AMMECR1L: variants seen among roughly 807,000 people sequenced by gnomAD.
The protein encoded by AMMECR1L is AMMECR1-like protein.
A neutral mutation model predicts 36.8 loss-of-function variants in AMMECR1L; 4 were observed. That is an observed-to-expected ratio of 0.11 (90% CI 0.05 to 0.25). AMMECR1L has a LOEUF of 0.25. AMMECR1L is among the 10% of genes least tolerant of loss of function. The probability of loss-of-function intolerance (pLI) is 1.00; values close to 1 mark genes in which losing one functional copy is unlikely to be tolerated. For missense variants in AMMECR1L, 232 were observed against 392.1 expected (o/e 0.59, Z 3.45); for synonymous variants, 147 against 148.0 (o/e 0.99, Z 0.05).
chr2:127,867,931 G>C (rs1469071453), intron 6 of AMMECR1L, among the ~76,000 whole-genome samples: 1 of 152,176 alleles, frequency 6.6e-6, no homozygotes, highest in African/African-American at 2.4e-5. Flanking sequence ...GAAGCGCAGT[G>C]GCGCAATATT....
chr2:127,869,311 G>A lies in AMMECR1L; in HGVS notation c.724+143C>T. Reference sequence around the variant, plus strand: ...TGGAAGTTTACCCTTGGTTCTATAGGAATTTGACAGGTATTAAGAGGCAGA... The same window carrying A: ...TGGAAGTTTACCCTTGGTTCTATAGAAATTTGACAGGTATTAAGAGGCAGA... On this transcript the variant is annotated intron_variant, in intron 6 of 7. Transcript: ENST00000272647. The surrounding 1 kb of genome is among the most constrained non-coding windows in gnomAD (Gnocchi z 4.7). 1 of 738,482 alleles carries A rather than the reference G, an allele frequency of 1.4e-6. No homozygotes were observed. Among genetic ancestry groups the A allele is most frequent in the Non-Finnish European group, 2.2e-6 (1 of 445,244 alleles). 45.7% of individuals were successfully genotyped at this position (738,482 alleles called of 1,614,324 possible). A position where few individuals can be genotyped will look rare whatever the true frequency, so the allele number is the denominator to read the frequency against.
At chr2:127,867,150 G>C in intron 6 of AMMECR1L, 154 bp from the exon 7 acceptor site, 1 of 985,458 alleles carries the variant, frequency 1.0e-6, no homozygotes, top group South Asian at 4.7e-5. Context: ...CGTACCTGGC[G>C]CCCAGTCTGT....
intron 1 of AMMECR1L, chr2:127,884,741 A>G (rs1468886908): frequency 6.6e-6 from 1 of 152,250 alleles, no homozygotes; most frequent in African/African-American, 2.4e-5. Context: ...ACTGGACAGC[A>G]CGCCAGAGGC....
rs969688939 is a variant in AMMECR1L, at chr2:127,871,444, T to C, written c.408-85A>G. ...AACCTTTTGGCTTTGTCCCTATTCA[T>C]TTCTGTTATTGCCAAAAATCCCTGT... On this transcript the variant is annotated intron_variant, in intron 3 of 7. Coordinates refer to ENST00000272647, the MANE Select transcript of AMMECR1L (RefSeq NM_001199140.2). This position sits in a 1 kb window ranked among gnomAD's most constrained non-coding sequence, Gnocchi z 4.3. 1.5e-6 allele frequency: 2 copies of C among 1,356,752 alleles called. No homozygotes were observed. Among genetic ancestry groups the C allele is most frequent in the African/African-American group, 2.9e-5 (2 of 69,144 alleles). 84.0% of individuals were successfully genotyped at this position (1,356,752 alleles called of 1,614,324 possible).
At chr2:127,870,639 G>C (rs1301967056) in intron 5 of AMMECR1L, among the ~76,000 whole-genome samples, 175 bp downstream of exon 5, 2 of 152,132 alleles carry the variant, frequency 1.3e-5, no homozygotes, top group Admixed American at 6.6e-5. Context: ...TGACACTTCT[G>C]CCTACTCCTG....
chr2:127,868,231 T>C (rs776949843), intron 6 of AMMECR1L, among the ~76,000 whole-genome samples: 16 of 152,222 alleles, frequency 1.1e-4, no homozygotes, highest in Admixed American at 1.0e-3. Context: ...CCTAAATTAC[T>C]ATGCTAGGTG....
chr2:127,872,050 G>A (rs183564243), intron 3 of AMMECR1L, among the ~76,000 whole-genome samples: 12 of 152,042 alleles, frequency 7.9e-5, no homozygotes, highest in African/African-American at 2.2e-4. Context: ...TTGGCTGGGC[G>A]TGGTGGCAGG....
rs1158676658 is a variant in AMMECR1L, at chr2:127,871,448, T to C, written c.408-89A>G. 2.3e-6 allele frequency: 3 copies of C among 1,327,560 alleles called. No homozygotes were observed. Among genetic ancestry groups the C allele is most frequent in the Non-Finnish European group, 3.1e-6 (3 of 961,692 alleles). The allele number at this position is 1,327,560 out of a possible 1,614,324, so 82.2% of individuals were successfully genotyped here. A position where few individuals can be genotyped will look rare whatever the true frequency, so the allele number is the denominator to read the frequency against. On this transcript the variant is annotated intron_variant, in intron 3 of 7. Coordinates refer to ENST00000272647, the MANE Select transcript of AMMECR1L (RefSeq NM_001199140.2). This position sits in a 1 kb window ranked among gnomAD's most constrained non-coding sequence, Gnocchi z 4.3. ...TTTTGGCTTTGTCCCTATTCATTTC[T>C]GTTATTGCCAAAAATCCCTGTTTTT...
At chr2:127,867,389 G>A (rs1690739194) in intron 6 of AMMECR1L, 1 of 804,756 alleles carries the variant, frequency 1.2e-6, no homozygotes, top group African/African-American at 1.9e-5. Flanking sequence ...ATATTCCTTT[G>A]TGTGATCTTC....
chr2:127,870,853 A>G lies in AMMECR1L; in HGVS notation c.594T>C (p.Leu198=). 1 of 1,613,328 alleles carries G rather than the reference A, an allele frequency of 6.2e-7. No individual in the cohort carries two copies. Among genetic ancestry groups the G allele is most frequent in the Non-Finnish European group, 8.5e-7 (1 of 1,179,740 alleles). Residue 198 remains leucine, a synonymous_variant, in exon 5 of 8, where the codon CTT becomes CTC. Transcript: ENST00000272647. ...AATCACTGGCATCCTCAAAGTTAGT[A>G]AGGAGGGAGACAGAGCAGAAAAGTT... ...LPKLFCSVSL[L]TNFEDASDYL...
At chr2:127,872,872 C>T (rs781325148) in intron 3 of AMMECR1L, 2 of 514,986 alleles carry the variant, frequency 3.9e-6, no homozygotes, top group African/African-American at 2.1e-5. Context: ...ACCATGTTAC[C>T]CCAGGGTGAC....
intron 2 of AMMECR1L, among the ~76,000 whole-genome samples, chr2:127,881,935 C>T (rs1308127947): frequency 2.0e-5 from 3 of 152,228 alleles, no homozygotes; most frequent in Middle Eastern, 3.4e-3. Context: ...CCAGAAAACA[C>T]AGAGAAAAAT....
At position 127,871,613 on chromosome 2, in the gene AMMECR1L, A is replaced by T. The variant is rs532762583; in HGVS notation, c.408-254T>A. The stretch of plus-strand genomic sequence containing the variant: ...TGTTCCATGCTGACAGCTTTAATTC[A>T]CTTTGCCGCCAAATTTACATGCTAC... On this transcript the variant is annotated intron_variant, in intron 3 of 7. Coordinates refer to ENST00000272647, the MANE Select transcript of AMMECR1L (RefSeq NM_001199140.2). This position sits in a 1 kb window ranked among gnomAD's most constrained non-coding sequence, Gnocchi z 4.3. 8.5e-5 allele frequency among the ~76,000 whole-genome samples: 13 copies of T among 152,236 alleles called. No individual in the cohort carries two copies. The South Asian group carries it at 2.5e-3, about 29-fold the overall frequency.
rs183272456 is a variant in AMMECR1L at position 127,862,657 on chromosome 2, C to T, written c.*2437G>A. The T allele has an allele frequency of 1.3e-5, 2 of 152,816 alleles. No individual in the cohort carries two copies. The highest frequency in any genetic ancestry group is 4.8e-5 in the African/African-American group (2 of 41,582). 9.5% of individuals were successfully genotyped at this position (152,816 alleles called of 1,614,324 possible). The stretch of plus-strand genomic sequence containing the variant: ...GTCCCCTGACAAAGCAAGAGGAACC[C>T]AAGCATTTCCATTGCTGGACTTGTG... On this transcript the variant is annotated 3_prime_UTR_variant, in exon 8 of 8. Transcript: ENST00000272647.
rs1189908535 is a variant in AMMECR1L, at chr2:127,861,869, T to C, written c.*3225A>G. ...AAAATAACGTCAACAGTTAGTGAAA[T>C]TGTAGATGTCAACACATCATGGAAA... is the stretch of plus-strand genomic sequence containing the variant. On this transcript the variant is annotated 3_prime_UTR_variant, in exon 8 of 8. Transcript: ENST00000272647. The C allele has an allele frequency of 6.6e-6, 1 of 152,512 alleles. No individual in the cohort carries two copies. Among genetic ancestry groups the C allele is most frequent in the African/African-American group, 2.4e-5 (1 of 41,424 alleles). The allele number at this position is 152,512 out of a possible 1,614,324, so 9.4% of individuals were successfully genotyped here. A position where few individuals can be genotyped will look rare whatever the true frequency, so the allele number is the denominator to read the frequency against.
Position 127,869,817 on chromosome 2 carries a change from A to G in AMMECR1L, c.634-273T>C, listed in dbSNP as rs942675600. On this transcript the variant is annotated intron_variant, in intron 5 of 7. Coordinates refer to ENST00000272647, the MANE Select transcript of AMMECR1L (RefSeq NM_001199140.2). This position sits in a 1 kb window ranked among gnomAD's most constrained non-coding sequence, Gnocchi z 4.7. ...TAAGTAATTCATCCAGGAATTGTGA[A>G]TATGTTCCTTGACCCTATTCCATTA... is the stretch of plus-strand genomic sequence containing the variant. 7.2e-5 allele frequency among the ~76,000 whole-genome samples: 11 copies of G among 152,260 alleles called. No homozygotes were observed. The highest frequency in any genetic ancestry group is 2.7e-4 in the African/African-American group (11 of 41,468).
intron 4 of AMMECR1L, 64 bp from the exon 5 acceptor site, chr2:127,870,992 T>C (rs973214174): frequency 1.2e-5 from 15 of 1,240,440 alleles, no homozygotes; most frequent in Middle Eastern, 3.9e-4. Flanking sequence ...TCAGGTGCCA[T>C]AGAGCCCACA....
At chr2:127,879,671 C>A (rs1248741052) in intron 2 of AMMECR1L, among the ~76,000 whole-genome samples, 1 of 152,206 alleles carries the variant, frequency 6.6e-6, no homozygotes, top group African/African-American at 2.4e-5. Context: ...GAAATTTTCT[C>A]TTTAGGTTCG....
At chr2:127,867,048 A>T in intron 6 of AMMECR1L, 52 bp from the exon 7 acceptor site, 1 of 1,609,976 alleles carries the variant, frequency 6.2e-7, no homozygotes, top group Non-Finnish European at 8.5e-7. Flanking sequence ...AGAGTAAGGC[A>T]TGCTCTCACA....
Sources: allele counts gnomAD v4.1 joint callset (sites outside exome capture counted in the v4.1 genomes callset), GRCh38; gene constraint gnomAD v4.1.1; non-coding constraint Gnocchi (gnomAD v3.1); transcripts MANE v1.5; gene names NCBI Gene and HGNC (gene_info 2026-07-23, HGNC 2026-07-21).